Variants in GPC5 observed in about 807,000 individuals in gnomAD.
GPC5 encodes glypican-5.
GPC5 carries 47 observed loss-of-function variants against 53.9 expected under a neutral mutation model. The ratio of observed to expected loss-of-function variants is 0.87; its 90% CI spans 0.69 to 1.11. GPC5 has a LOEUF of 1.11. Among genes scored for constraint, GPC5 ranks in the 50% most tolerant of loss-of-function variants. The pLI is 0.00. For synonymous variants in GPC5, 286 were observed against 263.3 expected (o/e 1.09, Z -0.84); for missense variants, 748 against 713.1 (o/e 1.05, Z -0.56).
rs144489832 is a variant in GPC5, at chr13:91,921,910, G to A, written c.1401+13853G>A. On this transcript the variant is annotated intron_variant, in intron 6 of 7. Transcript: ENST00000377067. ...CTTTTGAGCCTAGGAGTTCAAGGCT[G>A]CAGTGAGCTGTGATCACAGCACTGC... Among the ~76,000 whole-genome samples the A allele has an allele frequency of 4.6e-3, 708 of 152,262 alleles. 5 individuals carry two copies. The highest frequency in any genetic ancestry group is 0.02 in the Middle Eastern group (6 of 294).
At chr13:92,667,858 C>A (rs1886625975) in intron 7 of GPC5, among the ~76,000 whole-genome samples, 2 of 152,092 alleles carry the variant, frequency 1.3e-5, no homozygotes, top group Admixed American at 6.6e-5. Flanking sequence ...ATAAGTTATT[C>A]TATAATTGTT....
intron 7 of GPC5, among the ~76,000 whole-genome samples, chr13:92,234,530 A>G (rs2042555410): frequency 6.6e-6 from 1 of 152,132 alleles, no homozygotes; most frequent in Non-Finnish European, 1.5e-5. Context: ...TTTTAGAGAG[A>G]GACACCAACA....
rs12877061 is a variant in GPC5, at chr13:92,380,701, G to A, written c.1561+235712G>A. On this transcript the variant is annotated intron_variant, in intron 7 of 7. Coordinates refer to ENST00000377067, the MANE Select transcript of GPC5 (RefSeq NM_004466.6). ...TCGCAAGAACAAAAAACCAAACACC[G>A]CATGTTTGAGAACACATGGACACAG... is the stretch of plus-strand genomic sequence containing the variant. Among the ~76,000 whole-genome samples the A allele has an allele frequency of 9.9e-3, 1,423 of 143,762 alleles. 24 individuals are homozygous for A. The highest frequency in any genetic ancestry group is 0.057 in the Middle Eastern group (15 of 264). The allele number at this position is 143,762 out of a possible 152,430, so 94.3% of individuals were successfully genotyped here.
At chr13:92,430,125 A>T (rs1877019895) in intron 7 of GPC5, among the ~76,000 whole-genome samples, 1 of 152,060 alleles carries the variant, frequency 6.6e-6, no homozygotes, top group Non-Finnish European at 1.5e-5. Flanking sequence ...TAGAAAAAAA[A>T]ATTTAAAGAA....
chr13:92,339,048 T>G (rs901122360), intron 7 of GPC5, among the ~76,000 whole-genome samples: 16 of 152,006 alleles, frequency 1.1e-4, no homozygotes, highest in Non-Finnish European at 2.9e-5. Context: ...AAAACTATTC[T>G]TAAAAAAATA....
At chr13:91,984,528 C>T (rs1192193651) in intron 6 of GPC5, among the ~76,000 whole-genome samples, 2 of 152,116 alleles carry the variant, frequency 1.3e-5, no homozygotes, top group Non-Finnish European at 1.5e-5. Context: ...GTGGACAACC[C>T]GTATGTGTAA....
chr13:92,622,626 C>T (rs1317529490), intron 7 of GPC5, among the ~76,000 whole-genome samples: 1 of 151,776 alleles, frequency 6.6e-6, no homozygotes, highest in African/African-American at 2.4e-5. Flanking sequence ...TGCTGTGGTG[C>T]AGTCTCAGCT....
intron 6 of GPC5, among the ~76,000 whole-genome samples, chr13:92,064,914 C>CTT (rs34798034): frequency 0.55 from 83,907 of 151,704 alleles, 23,530 homozygotes; most frequent in East Asian, 0.78. Flanking sequence ...TTAAATAATC[C>CTT]TTTTTTTATG....
intron 7 of GPC5, among the ~76,000 whole-genome samples, chr13:92,308,432 A>C (rs538391484): frequency 3.3e-5 from 5 of 152,302 alleles, no homozygotes; most frequent in African/African-American, 1.2e-4. Context: ...TCAGTTCTTC[A>C]ACATCTACGA....
intron 6 of GPC5, among the ~76,000 whole-genome samples, chr13:92,000,760 T>C (rs1034738811): frequency 6.6e-6 from 1 of 152,186 alleles, no homozygotes; most frequent in Non-Finnish European, 1.5e-5. Flanking sequence ...GTGGGATTTC[T>C]TGGTATTTAG....
At chr13:91,930,035 C>G (rs2039807010) in intron 6 of GPC5, among the ~76,000 whole-genome samples, 1 of 151,968 alleles carries the variant, frequency 6.6e-6, no homozygotes, top group Admixed American at 6.6e-5. Context: ...AATTAATATA[C>G]CTTTATAATT....
At chr13:91,475,611 C>T (rs144677321) in intron 2 of GPC5, among the ~76,000 whole-genome samples, 2 of 152,282 alleles carry the variant, frequency 1.3e-5, no homozygotes, top group African/African-American at 4.8e-5. Flanking sequence ...TGAGTCCAAG[C>T]AGACACAACT....
intron 7 of GPC5, among the ~76,000 whole-genome samples, chr13:92,730,174 C>T (rs181854198): frequency 1.3e-5 from 2 of 151,332 alleles, no homozygotes; most frequent in Non-Finnish European, 3.0e-5. Context: ...GGACATCATA[C>T]TTATTACACT....
At chr13:91,932,058 A>G (rs1325282652) in intron 6 of GPC5, among the ~76,000 whole-genome samples, 2 of 152,006 alleles carry the variant, frequency 1.3e-5, no homozygotes, top group Non-Finnish European at 2.9e-5. Context: ...AAAAAAGTCC[A>G]CTGATCTAAA....
At chr13:92,362,268 T>C (rs1301063319) in intron 7 of GPC5, among the ~76,000 whole-genome samples, 1 of 151,764 alleles carries the variant, frequency 6.6e-6, no homozygotes, top group Non-Finnish European at 1.5e-5. Context: ...CTTTTCAAAC[T>C]GCGTCCAAGT....
intron 7 of GPC5, among the ~76,000 whole-genome samples, chr13:92,596,189 A>C (rs1883875256): frequency 6.6e-6 from 1 of 152,176 alleles, no homozygotes; most frequent in African/African-American, 2.4e-5. Context: ...GGCAGTCCCC[A>C]AACTAAAACT....
At chr13:92,203,731 C>A (rs1030438242) in intron 7 of GPC5, among the ~76,000 whole-genome samples, 1 of 144,980 alleles carries the variant, frequency 6.9e-6, no homozygotes, top group African/African-American at 2.6e-5. Context: ...AGTCATTTGA[C>A]TTTAACTTCC....
At position 92,866,488 on chromosome 13, in the gene GPC5, C is replaced by T; in HGVS notation, c.*49C>T. On this transcript the variant is annotated 3_prime_UTR_variant, in exon 8 of 8. Transcript: ENST00000377067. ...CCTTACTGAAGTCTCGATTTCTTCT[C>T]TCTCTGCATATGCCTGGAATAAGAG... 1 of 1,427,256 alleles carries T rather than the reference C, an allele frequency of 7.0e-7. No homozygotes were observed. Among genetic ancestry groups the T allele is most frequent in the South Asian group, 1.4e-5 (1 of 69,860 alleles). The allele number at this position is 1,427,256 out of a possible 1,614,324, so 88.4% of individuals were successfully genotyped here. A position where few individuals can be genotyped will look rare whatever the true frequency, so the allele number is the denominator to read the frequency against.
intron 7 of GPC5, among the ~76,000 whole-genome samples, chr13:92,787,667 C>CAAAAAAAAAAAAAAAAAAA (rs71202562): frequency 3.9e-4 from 22 of 56,180 alleles, no homozygotes; most frequent in South Asian, 1.6e-3. Context: ...CTCATAGCTA[C>CAAAAAAAAAAAAAAAAAAA]AAAAAAAAAA....
Sources: gnomAD v4.1 joint callset for allele counts (sites outside exome capture counted in the v4.1 genomes callset) on GRCh38, gnomAD v4.1.1 for gene constraint, MANE v1.5 for transcripts, NCBI Gene and HGNC (gene_info 2026-07-23, HGNC 2026-07-21) for gene names.